Variants in GPR161 observed in about 807,000 individuals in gnomAD.
GPR161 encodes the protein G-protein coupled receptor RE2.
In GPR161, 25 loss-of-function variants were observed where a neutral mutation model predicts 39.2. That is an observed-to-expected ratio of 0.64 (90% CI 0.47 to 0.89). The LOEUF (loss-of-function observed/expected upper bound fraction) is 0.89, where lower values mean the gene tolerates loss of function less well. Among genes scored for constraint, GPR161 ranks in the 40% least tolerant of loss-of-function variants. GPR161 has a pLI of 0.00. For synonymous variants in GPR161, 286 were observed against 276.6 expected (o/e 1.03, Z -0.34); for missense variants, 547 against 677.8 (o/e 0.81, Z 2.14).
intron 1 of GPR161, among the ~76,000 whole-genome samples, chr1:168,126,827 C>G (rs949084566): frequency 2.0e-5 from 3 of 152,178 alleles, no homozygotes; most frequent in Non-Finnish European, 4.4e-5. Flanking sequence ...TCAGTTTCCC[C>G]TTTGAATTCC....
In GPR161 at chr1:168,083,138, A is replaced by G. The variant is rs1465051541; in HGVS notation, c.*2393T>C. 6.6e-6 allele frequency: 1 copy of G among 152,158 alleles called. No homozygotes were observed. The highest frequency in any genetic ancestry group is 1.5e-5 in the Non-Finnish European group (1 of 68,038). The allele number at this position is 152,158 out of a possible 1,614,324, so 9.4% of individuals were successfully genotyped here. On this transcript the variant is annotated 3_prime_UTR_variant, in exon 6 of 6. Coordinates refer to ENST00000682931, the MANE Select transcript of GPR161 (RefSeq NM_001375883.1). ...GGTATCCACAGGTCCTGCTCCCTAA[A>G]TCAGAGTGCACACTTTAGTGGTATT...
chr1:168,134,561 A>G (rs1230169308), intron 1 of GPR161, among the ~76,000 whole-genome samples: 4 of 152,196 alleles, frequency 2.6e-5, no homozygotes, highest in Non-Finnish European at 4.4e-5. Context: ...GCTTTACTGC[A>G]TCTCAGAATG....
At chr1:168,093,822 G>A (rs538684222) in intron 3 of GPR161, among the ~76,000 whole-genome samples, 1 of 152,232 alleles carries the variant, frequency 6.6e-6, no homozygotes, top group Non-Finnish European at 1.5e-5. Flanking sequence ...CATGGACAGC[G>A]CAGGGTGAGC....
At chr1:168,087,456 C>T in intron 5 of GPR161, 129 bp downstream of exon 5, 2 of 1,090,990 alleles carry the variant, frequency 1.8e-6, no homozygotes, top group Admixed American at 1.7e-5. Flanking sequence ...CTGGGAGTAA[C>T]CAGGGAGTGA....
In GPR161 at chr1:168,104,673, T is replaced by C. The variant is rs1162927437; in HGVS notation, c.178A>G (p.Thr60Ala). Residue 60 changes from threonine to alanine, a missense_variant, in exon 2 of 6, where the codon ACC becomes GCC. By Grantham distance (58) the Thr-to-Ala change is moderately conservative. Coordinates refer to ENST00000682931, the MANE Select transcript of GPR161 (RefSeq NM_001375883.1). ...CTGAAGACGAACTTGTTGCTGAGGG[T>C]GAGGAGGTAGGACTTCTTGTACAAG... ...VTLYKKSYLL[T>A]LSNKFVFSLT... is the part of the protein sequence containing the mutation. 4 of 1,613,376 alleles carry C rather than the reference T, an allele frequency of 2.5e-6. No homozygotes were observed. In the Admixed American group the frequency reaches 5.0e-5, roughly 20 times the overall value.
chr1:168,118,613 A>T (rs896548816), intron 1 of GPR161: 1 of 151,812 alleles, frequency 6.6e-6, no homozygotes, highest in Non-Finnish European at 1.5e-5. Flanking sequence ...ATATACACAT[A>T]AAAAAAAATT....
intron 2 of GPR161, among the ~76,000 whole-genome samples, chr1:168,099,265 A>C (rs1695857424): frequency 6.6e-6 from 1 of 152,116 alleles, no homozygotes; most frequent in Admixed American, 6.5e-5. Flanking sequence ...CTGGCAAATG[A>C]AATGTGAGGG....
At chr1:168,113,263 T>C (rs1697369159) in intron 1 of GPR161, among the ~76,000 whole-genome samples, 1 of 152,156 alleles carries the variant, frequency 6.6e-6, no homozygotes, top group Admixed American at 6.5e-5. Context: ...CATCTTGCCC[T>C]GGCCAAGTAA....
chr1:168,131,150 C>T (rs1698960520), intron 1 of GPR161, among the ~76,000 whole-genome samples: 1 of 152,102 alleles, frequency 6.6e-6, no homozygotes, highest in African/African-American at 2.4e-5. Context: ...CAGCTCAGAG[C>T]CTCACCATCT....
At chr1:168,123,812 TGG>T (rs1698391982) in intron 1 of GPR161, among the ~76,000 whole-genome samples, 1 of 152,214 alleles carries the variant, frequency 6.6e-6, no homozygotes, top group Non-Finnish European at 1.5e-5. Flanking sequence ...AAGGTGAAGC[TGG>T]GTCACAAAAG....
chr1:168,086,517 G>A (rs535164940), intron 5 of GPR161, among the ~76,000 whole-genome samples: 2 of 152,300 alleles, frequency 1.3e-5, no homozygotes, highest in Admixed American at 1.3e-4. Context: ...AAAGACTGGA[G>A]GGACCTCCAG....
chr1:168,090,533 A>G lies in GPR161; in HGVS notation c.1204+31T>C, dbSNP rs1440725737. ...AAACGCAACACAGGGAAAACGCGAC[A>G]GGTGAGAGGCTTATAAAGCACGCAG... On this transcript the variant is annotated intron_variant, in intron 4 of 5. Coordinates refer to ENST00000682931, the MANE Select transcript of GPR161 (RefSeq NM_001375883.1). 2.4e-6 allele frequency: 3 copies of G among 1,268,436 alleles called. No individual in the cohort carries two copies. In the Admixed American group the frequency reaches 5.1e-5, roughly 22 times the overall value. 78.6% of individuals were successfully genotyped at this position (1,268,436 alleles called of 1,614,324 possible).
At chr1:168,104,345 ACTC>A in intron 2 of GPR161, 129 bp downstream of exon 2, 1 of 674,996 alleles carries the variant, frequency 1.5e-6, no homozygotes, top group Non-Finnish European at 2.6e-6. Flanking sequence ...CAGAGGCAGA[ACTC>A]CACCTGGTCA....
chr1:168,112,039 T>C lies in GPR161; in HGVS notation c.-44-7145A>G, dbSNP rs138464135. Among the ~76,000 whole-genome samples, 44 of 151,750 alleles carry C rather than the reference T, an allele frequency of 2.9e-4. No homozygotes were observed. In the East Asian group the frequency reaches 8.3e-3, roughly 29 times the overall value. ...GAACCTTTGCCCTAAAGTTCTATAA[T>C]ATTCAAGAGAAGGTGAATATACTTC... On this transcript the variant is annotated intron_variant, in intron 1 of 5. Coordinates refer to ENST00000682931, the MANE Select transcript of GPR161 (RefSeq NM_001375883.1).
chr1:168,112,627 T>A (rs1029242257), intron 1 of GPR161, among the ~76,000 whole-genome samples: 1 of 150,420 alleles, frequency 6.6e-6, no homozygotes, highest in Non-Finnish European at 1.5e-5. Context: ...TGGGCCGAGG[T>A]GGGCGGATCA....
In GPR161 at chr1:168,136,763, C is replaced by A; in HGVS notation, c.-69G>T. 1.0e-6 allele frequency: 1 copy of A among 991,710 alleles called. No individual in the cohort carries two copies. The highest frequency in any genetic ancestry group is 4.5e-5 in the South Asian group (1 of 22,190). 61.4% of individuals were successfully genotyped at this position (991,710 alleles called of 1,614,324 possible). A position where few individuals can be genotyped will look rare whatever the true frequency, so the allele number is the denominator to read the frequency against. On this transcript the variant is annotated 5_prime_UTR_variant, in exon 1 of 6. Transcript: ENST00000682931. ...CCGAGGAGCGGCCGCCGCGGCAGCT[C>A]AGGCCCCGGCCCAGCCGCCTCCCCG...
intron 1 of GPR161, among the ~76,000 whole-genome samples, chr1:168,132,741 T>C (rs527899248): frequency 7.9e-5 from 12 of 152,246 alleles, no homozygotes; most frequent in Admixed American, 5.9e-4. Context: ...TTTGTTGTTG[T>C]TGTTTGTTGG....
At chr1:168,093,763 A>T (rs1406002044) in intron 3 of GPR161, among the ~76,000 whole-genome samples, 1 of 152,240 alleles carries the variant, frequency 6.6e-6, no homozygotes, top group Non-Finnish European at 1.5e-5. Context: ...AGACAGAGGG[A>T]CCAGGGACAC....
intron 3 of GPR161, among the ~76,000 whole-genome samples, chr1:168,094,016 C>T (rs912107397): frequency 6.7e-6 from 1 of 150,088 alleles, no homozygotes; most frequent in South Asian, 2.1e-4. Flanking sequence ...AGCCCAAAGG[C>T]ATCCCACAAG....
Sources: gnomAD v4.1 joint callset for allele counts (sites outside exome capture counted in the v4.1 genomes callset) on GRCh38, gnomAD v4.1.1 for gene constraint, MANE v1.5 for transcripts, NCBI Gene and HGNC (gene_info 2026-07-23, HGNC 2026-07-21) for gene names.